Variants in TUT7 observed in about 807,000 individuals in gnomAD.
TUT7 encodes terminal uridylyltransferase 7.
A neutral mutation model predicts 165.9 loss-of-function variants in TUT7; 33 were observed. That is an observed-to-expected ratio of 0.20 (90% CI 0.15 to 0.27). The LOEUF is 0.27. Among genes scored for constraint, TUT7 ranks in the 10% least tolerant of loss-of-function variants. TUT7 has a pLI of 1.00. For missense variants in TUT7, 1,338 were observed against 1,762.3 expected (o/e 0.76, Z 4.31); for synonymous variants, 552 against 608.1 (o/e 0.91, Z 1.36).
At chr9:86,328,757 G>A (rs1830034425) in intron 10 of TUT7, among the ~76,000 whole-genome samples, 1 of 152,170 alleles carries the variant, frequency 6.6e-6, no homozygotes, top group Admixed American at 6.5e-5. Flanking sequence ...AGTGGCTGAC[G>A]TCATGGGTTC....
intron 11 of TUT7, among the ~76,000 whole-genome samples, chr9:86,325,759 T>A (rs191574052): frequency 2.8e-4 from 42 of 152,268 alleles, no homozygotes; most frequent in African/African-American, 9.9e-4. Context: ...ATAGACAGGA[T>A]CAGTTTTATT....
At position 86,343,175 on chromosome 9, in the gene TUT7, A is replaced by T. The variant is rs766304053; in HGVS notation, c.998-12T>A. ...TCTTAGGGAACAATCTAAAAAATAA[A>T]TAAATAAATAAAAGTAATAAATACA... On this transcript the variant is annotated splice_polypyrimidine_tract_variant and intron_variant, in intron 5 of 26. Transcript: ENST00000375963. 34 of 1,461,006 alleles carry T rather than the reference A, an allele frequency of 2.3e-5. No individual in the cohort carries two copies. In the South Asian group the frequency reaches 4.6e-4, roughly 20 times the overall value. 90.5% of individuals were successfully genotyped at this position (1,461,006 alleles called of 1,614,324 possible). A position where few individuals can be genotyped will look rare whatever the true frequency, so the allele number is the denominator to read the frequency against.
rs907236148 is a variant in TUT7 at position 86,311,078 on chromosome 9, G to A, written c.3275-269C>T. Among the ~76,000 whole-genome samples the A allele has an allele frequency of 6.6e-6, 1 of 152,210 alleles. No homozygotes were observed. The highest frequency in any genetic ancestry group is 1.5e-5 in the Non-Finnish European group (1 of 68,034). ...AACTTACTGGATCGTATGTGCACAC[G>A]TGTGCATGTGTGTATATGCATGTGT... On this transcript the variant is annotated intron_variant, in intron 17 of 26. Transcript: ENST00000375963. This position sits in a 1 kb window ranked among gnomAD's most constrained non-coding sequence, Gnocchi z 4.4.
At chr9:86,296,699 A>G (rs151107577) in intron 26 of TUT7, among the ~76,000 whole-genome samples, 5 of 152,348 alleles carry the variant, frequency 3.3e-5, no homozygotes, top group Admixed American at 3.3e-4. Context: ...CTCTTGCCTA[A>G]GGTCAATACA....
chr9:86,337,260 A>T, intron 10 of TUT7, 159 bp downstream of exon 10: 3 of 796,772 alleles, frequency 3.8e-6, no homozygotes, highest in Non-Finnish European at 5.9e-6. Flanking sequence ...CAAACACATT[A>T]GTATTTCAGC....
Position 86,299,219 on chromosome 9 carries a change from G to C in TUT7, c.4420+2057C>G, listed in dbSNP as rs141788174. On this transcript the variant is annotated intron_variant, in intron 26 of 26. Coordinates refer to ENST00000375963, the MANE Select transcript of TUT7 (RefSeq NM_024617.4). ...TTTACCTGAACAAATAAACCAGTTG[G>C]TTTCAATGGGACAGGTGAGGGCGAT... Among the ~76,000 whole-genome samples, 61 of 152,288 alleles carry C rather than the reference G, an allele frequency of 4.0e-4. No individual in the cohort carries two copies. In the East Asian group the frequency reaches 0.012, roughly 29 times the overall value.
rs1181143633 is a variant in TUT7 at position 86,322,357 on chromosome 9, T to C, written c.2996A>G (p.Asn999Ser). 1 of 1,614,066 alleles carries C rather than the reference T, an allele frequency of 6.2e-7. No individual in the cohort carries two copies. Among genetic ancestry groups the C allele is most frequent in the African/African-American group, 1.3e-5 (1 of 75,042 alleles). ...CTGGATACAGACTTGATCTAAGATA[T>C]TTAAAAACTTGGGTGTTAATGGTGG... ...PLPPLTPKFL[N>S]ILDQVCIQCY... The change falls in exon 14 of 27, where the codon AAT becomes AGT. Residue 999 changes from asparagine (N) to serine (S), a missense_variant. This residue lies in a region of TUT7 where 425 missense variants were observed against 474.9 expected (regional missense o/e 0.89). Coordinates refer to ENST00000375963, the MANE Select transcript of TUT7 (RefSeq NM_024617.4).
chr9:86,352,444 A>C, intron 2 of TUT7: 3 of 594,258 alleles, frequency 5.0e-6, no homozygotes, highest in Middle Eastern at 4.4e-4. Context: ...TACTGACGTA[A>C]AGTGAGCCCT....
rs1048638948 is a variant in TUT7, at chr9:86,346,383, C to G, written c.618G>C (p.Glu206Asp). 1 of 1,613,998 alleles carries G rather than the reference C, an allele frequency of 6.2e-7. No homozygotes were observed. Among genetic ancestry groups the G allele is most frequent in the African/African-American group, 1.3e-5 (1 of 74,920 alleles). The change falls in exon 3 of 27, where the codon GAG becomes GAC. Residue 206 changes from glutamate to aspartate, a missense_variant. By Grantham distance (45) the Glu-to-Asp change is conservative (BLOSUM62 2). Coordinates refer to ENST00000375963, the MANE Select transcript of TUT7 (RefSeq NM_024617.4). ...GCAGCTCCTTCGTTGAAAGTACAGA[C>G]TCATCGATCACAGGGCCTTCCAAGT... ...DGDLEGPVID[E>D]SVLSTKELLG...
At chr9:86,348,808 A>G (rs1246921259) in intron 2 of TUT7, among the ~76,000 whole-genome samples, 1 of 152,128 alleles carries the variant, frequency 6.6e-6, no homozygotes, top group Non-Finnish European at 1.5e-5. Flanking sequence ...CTAACTAACA[A>G]CATAAAAACT....
chr9:86,336,853 A>ATCCTTTCTTTCT (rs1241309573), intron 10 of TUT7: 4 of 152,336 alleles, frequency 2.6e-5, no homozygotes, highest in Non-Finnish European at 4.4e-5. Context: ...TTATCCAGAA[A>ATCCTTTCTTTCT]GAAAGAGTGA....
intron 11 of TUT7, 96 bp downstream of exon 11, chr9:86,328,244 T>C: frequency 1.6e-6 from 2 of 1,255,068 alleles, no homozygotes; most frequent in East Asian, 2.7e-5. Flanking sequence ...AGCCACGAAA[T>C]AGTAAAGATA....
chr9:86,349,203 C>T (rs1280939801), intron 2 of TUT7, among the ~76,000 whole-genome samples: 1 of 151,520 alleles, frequency 6.6e-6, no homozygotes, highest in East Asian at 1.9e-4. Flanking sequence ...TGCTTGAACT[C>T]GGGAGGCAGA....
In TUT7 at chr9:86,354,359, G is replaced by A. The variant is rs1033175833; in HGVS notation, c.-120C>T. The A allele has an allele frequency of 6.5e-6, 1 of 152,854 alleles. No homozygotes were observed. The highest frequency in any genetic ancestry group is 1.5e-5 in the Non-Finnish European group (1 of 68,200). The allele number at this position is 152,854 out of a possible 1,614,324, so 9.5% of individuals were successfully genotyped here. A position where few individuals can be genotyped will look rare whatever the true frequency, so the allele number is the denominator to read the frequency against. ...GGCGAGTCTGGCAGGGACGTTGGGA[G>A]AAGGCGCCCAAGAGCACTCACCACC... On this transcript the variant is annotated 5_prime_UTR_variant, in exon 1 of 27. Coordinates refer to ENST00000375963, the MANE Select transcript of TUT7 (RefSeq NM_024617.4).
intron 12 of TUT7, 125 bp from the exon 13 acceptor site, chr9:86,324,085 T>C: frequency 1.1e-6 from 1 of 929,458 alleles, no homozygotes. Context: ...TATCTTGCAT[T>C]TTATAGACTT....
At position 86,287,835 on chromosome 9, in the gene TUT7, T is replaced by C. The variant is rs1454103634; in HGVS notation, c.*842A>G. 5 of 152,122 alleles carry C rather than the reference T, an allele frequency of 3.3e-5. No homozygotes were observed. The allele number at this position is 152,122 out of a possible 1,614,324, so 9.4% of individuals were successfully genotyped here. A position where few individuals can be genotyped will look rare whatever the true frequency, so the allele number is the denominator to read the frequency against. On this transcript the variant is annotated 3_prime_UTR_variant, in exon 27 of 27. Transcript: ENST00000375963. ...AGGGCTTTTGAAATTAAAGAAACAG[T>C]CCAGGAGGGCTCCAGTCAGACCCAG...
chr9:86,305,903 T>G (rs940267352), intron 22 of TUT7, among the ~76,000 whole-genome samples: 2 of 152,190 alleles, frequency 1.3e-5, no homozygotes, highest in Admixed American at 1.3e-4. Flanking sequence ...ATATAGGATA[T>G]GTTTTGGAAT....
chr9:86,337,331 G>T lies in TUT7; in HGVS notation c.1455+88C>A, dbSNP rs77542491. ...ATAAATCCATGTCAGTTCTGGTTAG[G>T]TGTCTAGATTTTGAAATTATGCAAA... On this transcript the variant is annotated intron_variant, in intron 10 of 26. Transcript: ENST00000375963. 82 of 1,365,520 alleles carry T rather than the reference G, an allele frequency of 6.0e-5. No homozygotes were observed. In the African/African-American group the frequency reaches 1.0e-3, roughly 17 times the overall value. The allele number at this position is 1,365,520 out of a possible 1,614,324, so 84.6% of individuals were successfully genotyped here. A position where few individuals can be genotyped will look rare whatever the true frequency, so the allele number is the denominator to read the frequency against.
At chr9:86,339,993 G>T (rs749222693) in intron 8 of TUT7, 43 bp downstream of exon 8, 1 of 1,500,364 alleles carries the variant, frequency 6.7e-7, no homozygotes, top group Non-Finnish European at 9.3e-7. Context: ...TGTGCTTTTG[G>T]CAAGTTGAGA....
Sources: allele counts gnomAD v4.1 joint callset (sites outside exome capture counted in the v4.1 genomes callset), GRCh38; gene constraint gnomAD v4.1.1; regional missense constraint gnomAD v4.1.1; non-coding constraint Gnocchi (gnomAD v3.1); transcripts MANE v1.5; gene names NCBI Gene and HGNC (gene_info 2026-07-23, HGNC 2026-07-21).